Variants in STK32C observed in about 807,000 individuals in gnomAD.
STK32C encodes serine/threonine kinase 32C.
A neutral mutation model predicts 56.5 loss-of-function variants in STK32C; 31 were observed. The observed-to-expected ratio is 0.55, with a 90% CI of 0.41 to 0.74. The LOEUF (loss-of-function observed/expected upper bound fraction) is 0.74. STK32C is among the 30% of genes least tolerant of loss of function. STK32C has a pLI of 0.00. For synonymous variants in STK32C, 309 were observed against 289.4 expected (o/e 1.07, Z -0.69); for missense variants, 544 against 676.9 (o/e 0.80, Z 2.18).
chr10:132,294,061 A>C (rs942066113), intron 1 of STK32C, among the ~76,000 whole-genome samples: 22 of 152,206 alleles, frequency 1.4e-4, no homozygotes, highest in African/African-American at 4.1e-4. Flanking sequence ...GGCAATGTCG[A>C]GTCGGAGGGT....
intron 1 of STK32C, among the ~76,000 whole-genome samples, chr10:132,252,440 C>T (rs943965436): frequency 3.9e-5 from 6 of 152,264 alleles, no homozygotes; most frequent in African/African-American, 9.6e-5. Context: ...CGCTCCTCGG[C>T]GTGATTTACG....
chr10:132,303,605 G>C (rs190574162), intron 1 of STK32C, among the ~76,000 whole-genome samples: 1 of 152,200 alleles, frequency 6.6e-6, no homozygotes, highest in African/African-American at 2.4e-5. Context: ...TAACAAGCGC[G>C]GGCAGGCAAT....
chr10:132,324,901 C>A (rs1289193173), intron 1 of STK32C, among the ~76,000 whole-genome samples: 1 of 152,096 alleles, frequency 6.6e-6, no homozygotes, highest in Non-Finnish European at 1.5e-5. Context: ...AGGAGAGTGA[C>A]CTTACAGGTC....
intron 2 of STK32C, among the ~76,000 whole-genome samples, chr10:132,234,009 A>G (rs375349101): frequency 4.0e-4 from 61 of 152,322 alleles, no homozygotes; most frequent in African/African-American, 1.3e-3. Context: ...TGGTGCTTGC[A>G]TGCAAGCGAT....
At chr10:132,282,526 T>TGTGCCTGC in intron 1 of STK32C, among the ~76,000 whole-genome samples, 2 of 134,682 alleles carry the variant, frequency 1.5e-5, no homozygotes, top group Non-Finnish European at 3.2e-5. Flanking sequence ...CCTGTGCCTG[T>TGTGCCTGC]GCCCACCTGT....
chr10:132,229,820 G>C (rs2063029095), intron 2 of STK32C, among the ~76,000 whole-genome samples: 1 of 152,244 alleles, frequency 6.6e-6, no homozygotes, highest in Admixed American at 6.5e-5. Context: ...AACTAAGAAA[G>C]CATGTCTGAT....
chr10:132,279,667 C>A (rs74799907), intron 1 of STK32C, among the ~76,000 whole-genome samples: 8 of 81,200 alleles, frequency 9.9e-5, no homozygotes, highest in Non-Finnish European at 1.8e-4. Flanking sequence ...CATGATCAAG[C>A]CACTGCACTC....
intron 11 of STK32C, 40 bp from the exon 12 acceptor site, chr10:132,208,191 C>T (rs1441545960): frequency 3.9e-6 from 5 of 1,293,574 alleles, no homozygotes; most frequent in Non-Finnish European, 3.9e-6. Context: ...TATGCCCCCA[C>T]CTCCCTGGCC....
At chr10:132,230,095 C>T (rs902472028) in intron 2 of STK32C, among the ~76,000 whole-genome samples, 1 of 152,196 alleles carries the variant, frequency 6.6e-6, no homozygotes, top group African/African-American at 2.4e-5. Flanking sequence ...GGGGCAGCTG[C>T]AGGCAGCCCG....
intron 1 of STK32C, among the ~76,000 whole-genome samples, chr10:132,317,891 T>C (rs1463651997): frequency 6.9e-6 from 1 of 145,902 alleles, no homozygotes; most frequent in Non-Finnish European, 1.5e-5. Flanking sequence ...GGCAGGAGAA[T>C]CGCTTGAACC....
chr10:132,208,111 C>CG lies in STK32C; in HGVS notation c.1359dup (p.Ala454ArgfsTer3). 1 of 1,310,908 alleles carries CG rather than the reference C, an allele frequency of 7.6e-7. No individual in the cohort carries two copies. The highest frequency in any genetic ancestry group is 9.8e-7 in the Non-Finnish European group (1 of 1,021,362). The allele number at this position is 1,310,908 out of a possible 1,614,324, so 81.2% of individuals were successfully genotyped here. A position where few individuals can be genotyped will look rare whatever the true frequency, so the allele number is the denominator to read the frequency against. ...TCCGCAGCATCCCTGGACTCAGGGG[C>CG]GGGGAGAGGCTCCCTCGGGAGGTCC... On this transcript the variant is annotated frameshift_variant, in exon 12 of 12. Coordinates refer to ENST00000298630, the MANE Select transcript of STK32C (RefSeq NM_173575.4). LOFTEE classifies it low-confidence loss of function (END_TRUNC).
intron 1 of STK32C, among the ~76,000 whole-genome samples, chr10:132,306,546 C>T (rs183626340): frequency 1.3e-5 from 2 of 152,184 alleles, no homozygotes; most frequent in East Asian, 1.9e-4. Flanking sequence ...TCACCAACGC[C>T]GGCCTGAGGT....
intron 1 of STK32C, among the ~76,000 whole-genome samples, chr10:132,262,500 A>G (rs1363792959): frequency 6.6e-6 from 1 of 152,194 alleles, no homozygotes; most frequent in Non-Finnish European, 1.5e-5. Context: ...AGAAACAGAA[A>G]ACCTACAAAC....
At chr10:132,226,378 C>G (rs753911191) in intron 4 of STK32C, among the ~76,000 whole-genome samples, 1 of 152,138 alleles carries the variant, frequency 6.6e-6, no homozygotes, top group African/African-American at 2.4e-5. Flanking sequence ...TTTTCAGAGC[C>G]ATCACACCAG....
chr10:132,210,635 G>A (rs1565058455), intron 10 of STK32C, among the ~76,000 whole-genome samples: 1 of 152,232 alleles, frequency 6.6e-6, no homozygotes, highest in Non-Finnish European at 1.5e-5. Flanking sequence ...GATGCAGAAG[G>A]CTGTTCTCCG....
intron 2 of STK32C, among the ~76,000 whole-genome samples, chr10:132,241,464 A>G (rs757627790): frequency 2.0e-4 from 30 of 152,254 alleles, no homozygotes; most frequent in Non-Finnish European, 4.3e-4. Flanking sequence ...CAAAATGTGA[A>G]GAATCAAGAT....
chr10:132,211,060 C>T (rs116423523), intron 10 of STK32C, among the ~76,000 whole-genome samples: 1,634 of 152,296 alleles, frequency 0.011, 23 homozygotes, highest in African/African-American at 0.036. Flanking sequence ...GTGGCTCTCT[C>T]CCTCCAGGCT....
intron 1 of STK32C, among the ~76,000 whole-genome samples, chr10:132,300,267 A>G (rs971522102): frequency 6.6e-6 from 1 of 152,156 alleles, no homozygotes; most frequent in Non-Finnish European, 1.5e-5. Context: ...GGCGACACTG[A>G]CTCCCACCTA....
upstream of STK32C, among the ~76,000 whole-genome samples, chr10:132,309,491 C>G (rs975459563): frequency 6.6e-6 from 1 of 152,200 alleles, no homozygotes; most frequent in African/African-American, 2.4e-5. Context: ...AACCAGCCAC[C>G]GCAGCTCTCC....
Sources: gnomAD v4.1 joint callset for allele counts (sites outside exome capture counted in the v4.1 genomes callset) on GRCh38, gnomAD v4.1.1 for gene constraint, MANE v1.5 for transcripts, NCBI Gene and HGNC (gene_info 2026-07-23, HGNC 2026-07-21) for gene names.